XYLT1: variants seen among roughly 807,000 people sequenced by gnomAD.
XYLT1 encodes the protein xylosyltransferase 1, also known as beta-D-xylosyltransferase 1.
A neutral mutation model predicts 91.3 loss-of-function variants in XYLT1; 36 were observed. The ratio of observed to expected loss-of-function variants is 0.39; its 90% confidence interval spans 0.30 to 0.52. XYLT1 has a LOEUF of 0.52. XYLT1 is among the 20% of genes least tolerant of loss of function. The pLI is 0.68. For missense variants in XYLT1, 1,242 were observed against 1,284.5 expected, an observed-to-expected ratio of 0.97 and a Z score of 0.51; for synonymous variants, 588 against 532.0, an observed-to-expected ratio of 1.11 and a Z score of -1.45.
chr16:17,286,650 T>TATCATCATCATCATCATCCTC (rs751352930), intron 2 of XYLT1, among the ~76,000 whole-genome samples: 1 of 150,908 alleles, frequency 6.6e-6, no homozygotes, highest in Non-Finnish European at 1.5e-5. Flanking sequence ...CATGGATAGG[T>TATCATCATCATCATCATCCTC]ATCATCATCA....
intron 3 of XYLT1, among the ~76,000 whole-genome samples, chr16:17,242,345 C>T (rs2033359761): frequency 6.6e-6 from 1 of 152,198 alleles, no homozygotes; most frequent in Non-Finnish European, 1.5e-5. Context: ...TCTGCAAAAC[C>T]TGAACTATTT....
intron 2 of XYLT1, among the ~76,000 whole-genome samples, chr16:17,335,558 C>G (rs939637196): frequency 1.3e-5 from 2 of 151,918 alleles, no homozygotes; most frequent in Non-Finnish European, 2.9e-5. Context: ...GGCATGGTGG[C>G]GGGCGCCTGT....
At chr16:17,112,006 CAG>C (rs1229157509) in intron 11 of XYLT1, among the ~76,000 whole-genome samples, 1 of 152,050 alleles carries the variant, frequency 6.6e-6, no homozygotes, top group Non-Finnish European at 1.5e-5. Context: ...CTCTATTCTG[CAG>C]AGTGAGAAAG....
At position 17,132,964 on chromosome 16, in the gene XYLT1, C is replaced by T. The variant is rs375107181; in HGVS notation, c.2027+1509G>A. ...TTATCTCCTTTACACTTCACAACAC[C>T]TTATGATACAAAAATGATGAGTATT... On this transcript the variant is annotated intron_variant, in intron 9 of 11. Coordinates refer to ENST00000261381, the MANE Select transcript of XYLT1 (RefSeq NM_022166.4). Among the ~76,000 whole-genome samples, 37 of 152,278 alleles carry T rather than the reference C, an allele frequency of 2.4e-4. 1 individual carries two copies. The South Asian group carries it at 7.5e-3, about 31-fold the overall frequency.
chr16:17,328,494 A>G (rs912726646), intron 2 of XYLT1, among the ~76,000 whole-genome samples: 8 of 135,202 alleles, frequency 5.9e-5, no homozygotes, highest in African/African-American at 2.2e-4. Context: ...GGTTGCAGTG[A>G]GCTGAGATTG....
intron 9 of XYLT1, among the ~76,000 whole-genome samples, chr16:17,130,845 T>C (rs567401037): frequency 1.3e-5 from 2 of 150,298 alleles, no homozygotes; most frequent in East Asian, 4.0e-4. Flanking sequence ...AAATCCAAAC[T>C]CCTTACCTGG....
chr16:17,129,509 G>A (rs572756680), intron 9 of XYLT1, among the ~76,000 whole-genome samples: 66 of 152,150 alleles, frequency 4.3e-4, no homozygotes, highest in African/African-American at 1.4e-3. Context: ...CAAGTGATCC[G>A]CCCGCCTCGG....
chr16:17,196,019 A>G (rs2032420863), intron 5 of XYLT1, among the ~76,000 whole-genome samples: 1 of 152,230 alleles, frequency 6.6e-6, no homozygotes, highest in Non-Finnish European at 1.5e-5. Context: ...CTTATGGACA[A>G]AAGAAAACAG....
Position 17,312,353 on chromosome 16 carries a change from A to G in XYLT1, c.402+45659T>C, listed in dbSNP as rs1387087338. ...CTGGCATAGTACTGTGAAGGACTCA[A>G]TGAAACATCCCTGAAATCCTCATGA... On this transcript the variant is annotated intron_variant, in intron 2 of 11. Transcript: ENST00000261381. This position sits in a 1 kb window ranked among gnomAD's most constrained non-coding sequence, Gnocchi z 4.4. 6.6e-6 allele frequency among the ~76,000 whole-genome samples: 1 copy of G among 152,154 alleles called. No individual in the cohort carries two copies. Among genetic ancestry groups the G allele is most frequent in the African/African-American group, 2.4e-5 (1 of 41,446 alleles).
chr16:17,333,968 A>G (rs2034941404), intron 2 of XYLT1, among the ~76,000 whole-genome samples: 2 of 152,196 alleles, frequency 1.3e-5, no homozygotes, highest in African/African-American at 4.8e-5. Context: ...GAGTTCCGCT[A>G]TCATGCATGG....
In XYLT1 at chr16:17,456,371, T is replaced by A. The variant is rs528695789; in HGVS notation, c.363+14063A>T. Among the ~76,000 whole-genome samples, 4 of 138,834 alleles carry A rather than the reference T, an allele frequency of 2.9e-5. No individual in the cohort carries two copies. In the South Asian group the frequency reaches 9.4e-4, roughly 33 times the overall value. 91.1% of individuals were successfully genotyped at this position (138,834 alleles called of 152,430 possible). A position where few individuals can be genotyped will look rare whatever the true frequency, so the allele number is the denominator to read the frequency against. ...TTTTTTTTTGGAGACAGGATCTTGC[T>A]CGGTCACCCAGGCTGGAGTGCAGTG... On this transcript the variant is annotated intron_variant, in intron 1 of 11. Coordinates refer to ENST00000261381, the MANE Select transcript of XYLT1 (RefSeq NM_022166.4).
chr16:17,452,918 A>G (rs2036686028), intron 1 of XYLT1, among the ~76,000 whole-genome samples: 1 of 152,176 alleles, frequency 6.6e-6, no homozygotes, highest in Admixed American at 6.5e-5. Context: ...GAATACTTAC[A>G]ATTCTAGTCT....
At chr16:17,247,634 C>A (rs2033461604) in intron 3 of XYLT1, among the ~76,000 whole-genome samples, 1 of 152,208 alleles carries the variant, frequency 6.6e-6, no homozygotes, top group Admixed American at 6.5e-5. Context: ...TCAGAGAACA[C>A]AAGTGCCTTG....
At position 17,102,409 on chromosome 16, in the gene XYLT1, G is replaced by T. The variant is rs1966716194; in HGVS notation, c.*6286C>A. ...GAAAGCATCTATATACACCTGCAGT[G>T]TTTTTGGTATGATACAGTATTTAAT... On this transcript the variant is annotated 3_prime_UTR_variant, in exon 12 of 12. Transcript: ENST00000261381. 6.6e-6 allele frequency: 1 copy of T among 152,618 alleles called. No individual in the cohort carries two copies. Among genetic ancestry groups the T allele is most frequent in the African/African-American group, 2.4e-5 (1 of 41,446 alleles). 9.5% of individuals were successfully genotyped at this position (152,618 alleles called of 1,614,324 possible).
At chr16:17,466,756 TTATC>T (rs761114083) in intron 1 of XYLT1, among the ~76,000 whole-genome samples, 127 of 152,366 alleles carry the variant, frequency 8.3e-4, no homozygotes, top group Admixed American at 1.4e-3. Flanking sequence ...CTACTTTTAT[TTATC>T]TATTTTAACA....
At chr16:17,430,586 C>A (rs1400001472) in intron 1 of XYLT1, among the ~76,000 whole-genome samples, 1 of 152,200 alleles carries the variant, frequency 6.6e-6, no homozygotes, top group Non-Finnish European at 1.5e-5. Context: ...TGCCTGCTTC[C>A]CTTTCCAGGG....
At chr16:17,140,476 C>T (rs1173142372) in intron 7 of XYLT1, among the ~76,000 whole-genome samples, 1 of 151,878 alleles carries the variant, frequency 6.6e-6, no homozygotes, top group East Asian at 1.9e-4. Context: ...GCCTGGCCAA[C>T]ATGGCAAAAC....
intron 2 of XYLT1, among the ~76,000 whole-genome samples, chr16:17,344,849 C>T (rs1245827096): frequency 1.3e-5 from 2 of 151,974 alleles, no homozygotes; most frequent in South Asian, 2.1e-4. Context: ...TACAAGCATG[C>T]GCCACCACGC....
rs1184530783 is a variant in XYLT1, at chr16:17,312,439, C to T, written c.402+45573G>A. 6.6e-6 allele frequency among the ~76,000 whole-genome samples: 1 copy of T among 152,122 alleles called. No individual in the cohort carries two copies. Among genetic ancestry groups the T allele is most frequent in the African/African-American group, 2.4e-5 (1 of 41,412 alleles). ...TATGGGGTCTTGTCTCAGGGCCTTA[C>T]CCGCATTAACATGTTTTTCTTTCTA... On this transcript the variant is annotated intron_variant, in intron 2 of 11. Coordinates refer to ENST00000261381, the MANE Select transcript of XYLT1 (RefSeq NM_022166.4). This position sits in a 1 kb window ranked among gnomAD's most constrained non-coding sequence, Gnocchi z 4.4.
Sources: gnomAD v4.1 joint callset for allele counts (sites outside exome capture counted in the v4.1 genomes callset) on GRCh38, gnomAD v4.1.1 for gene constraint, Gnocchi (gnomAD v3.1) non-coding constraint, MANE v1.5 for transcripts, NCBI Gene and HGNC (gene_info 2026-07-23, HGNC 2026-07-21) for gene names.